ANKFN1: variants seen among roughly 807,000 people sequenced by gnomAD.
ANKFN1 encodes ankyrin repeat and fibronectin type-III domain-containing protein 1.
Under a neutral mutation model 108.7 loss-of-function variants are expected in ANKFN1, and 74 were observed. The ratio of observed to expected loss-of-function variants is 0.68; its 90% CI spans 0.56 to 0.83. ANKFN1 has a LOEUF of 0.83. Ranked by LOEUF, ANKFN1 falls within the 40% of genes least tolerant of loss-of-function variation. The pLI is 0.00. For synonymous variants in ANKFN1, 547 were observed against 516.2 expected (o/e 1.06, Z -0.81); for missense variants, 1,505 against 1,382.3 (o/e 1.09, Z -1.41).
intron 8 of ANKFN1, among the ~76,000 whole-genome samples, chr17:56,391,348 G>A (rs1392592577): frequency 1.4e-5 from 2 of 139,500 alleles, no homozygotes; most frequent in South Asian, 4.5e-4. Flanking sequence ...ATTCTTGAAG[G>A]CCCAAGAATA....
At chr17:56,064,570 C>T (rs1184846429) in intron 4 of ANKFN1, among the ~76,000 whole-genome samples, 1 of 152,228 alleles carries the variant, frequency 6.6e-6, no homozygotes, top group African/African-American at 2.4e-5. Flanking sequence ...CCAAGCCGTC[C>T]AGGCCCCCTG....
chr17:56,079,997 C>T lies in ANKFN1; in HGVS notation c.288+33672C>T, dbSNP rs1008329868. On this transcript the variant is annotated intron_variant, in intron 4 of 12. Coordinates refer to the ANKFN1 transcript ENST00000635860. The stretch of plus-strand genomic sequence containing the variant: ...GGAACAGTTGGGCAAGTCACAAAAG[C>T]GGAGAGATGAATGTCTGAGAAACAA... Among the ~76,000 whole-genome samples the T allele has an allele frequency of 4.6e-5, 7 of 151,930 alleles. No homozygotes were observed. In the East Asian group the frequency reaches 5.8e-4, roughly 13 times the overall value.
chr17:56,196,135 G>A (rs2143724565), intron 1 of ANKFN1, among the ~76,000 whole-genome samples: 2 of 152,208 alleles, frequency 1.3e-5, no homozygotes, highest in Admixed American at 1.3e-4. Flanking sequence ...AAGTATGGTG[G>A]CTCGTGCCTG....
intron 1 of ANKFN1, among the ~76,000 whole-genome samples, chr17:56,169,784 C>T (rs1233194844): frequency 6.6e-6 from 1 of 152,194 alleles, no homozygotes; most frequent in African/African-American, 2.4e-5. Flanking sequence ...AGCTGCCCTG[C>T]TACTCCTGTT....
At chr17:56,102,495 G>T (rs1245058243) in intron 4 of ANKFN1, among the ~76,000 whole-genome samples, 2 of 152,248 alleles carry the variant, frequency 1.3e-5, no homozygotes, top group South Asian at 4.1e-4. Flanking sequence ...ATTTGTAAAT[G>T]GTATTAATCT....
chr17:56,097,627 T>G (rs990267788), intron 4 of ANKFN1, among the ~76,000 whole-genome samples: 2 of 152,198 alleles, frequency 1.3e-5, no homozygotes, highest in East Asian at 3.9e-4. Context: ...AGTCCTTAGG[T>G]GAAACACAGT....
intron 5 of ANKFN1, among the ~76,000 whole-genome samples, chr17:56,353,334 G>T (rs1257159108): frequency 6.6e-6 from 1 of 151,734 alleles, no homozygotes; most frequent in Non-Finnish European, 1.5e-5. Context: ...CCCCTGGGCA[G>T]GAGGTGATCC....
At chr17:56,092,309 A>C (rs1905434621) in intron 4 of ANKFN1, among the ~76,000 whole-genome samples, 1 of 126,782 alleles carries the variant, frequency 7.9e-6, no homozygotes. Context: ...TTGCTCTGTC[A>C]CCCAGGCTGG....
intron 19 of ANKFN1, among the ~76,000 whole-genome samples, chr17:56,493,801 A>C (rs563977947): frequency 6.6e-6 from 1 of 152,176 alleles, no homozygotes; most frequent in Non-Finnish European, 1.5e-5. Flanking sequence ...AGAAGACTAA[A>C]GGCAGAGAAA....
At chr17:56,368,074 C>A in intron 6 of ANKFN1, 1 of 797,306 alleles carries the variant, frequency 1.3e-6, no homozygotes. Flanking sequence ...CCATCAGATC[C>A]AGAGGCTAGT....
chr17:56,316,240 G>A (rs2045203378), intron 3 of ANKFN1, among the ~76,000 whole-genome samples: 2 of 152,120 alleles, frequency 1.3e-5, no homozygotes, highest in South Asian at 2.1e-4. Context: ...TGTGCAAATA[G>A]AATTAACTTC....
chr17:56,251,454 G>T (rs1383149319), intron 3 of ANKFN1, among the ~76,000 whole-genome samples: 2 of 152,188 alleles, frequency 1.3e-5, no homozygotes, highest in East Asian at 3.8e-4. Context: ...CATGCAATTG[G>T]TTTTCTTAAA....
chr17:56,316,280 CT>C (rs1231347499), intron 3 of ANKFN1, among the ~76,000 whole-genome samples: 26 of 152,228 alleles, frequency 1.7e-4, no homozygotes, highest in Admixed American at 1.2e-3. Flanking sequence ...CAAATTCTCA[CT>C]GTGATTAATT....
At chr17:56,275,411 G>T (rs9897339) in intron 3 of ANKFN1, among the ~76,000 whole-genome samples, 29,783 of 151,598 alleles carry the variant, frequency 0.2, 4,127 homozygotes, top group African/African-American at 0.4. Context: ...ATACTTCTAT[G>T]TAAGAACCAC....
At chr17:56,305,227 ACC>A (rs1247878456) in intron 3 of ANKFN1, among the ~76,000 whole-genome samples, 3 of 152,006 alleles carry the variant, frequency 2.0e-5, no homozygotes, top group African/African-American at 7.3e-5. Flanking sequence ...GAGGGTAACC[ACC>A]CCCATGATTA....
chr17:56,076,810 C>T (rs189189273), intron 4 of ANKFN1, among the ~76,000 whole-genome samples: 3 of 151,932 alleles, frequency 2.0e-5, no homozygotes, highest in African/African-American at 7.2e-5. Context: ...AGCAGAAAGA[C>T]AAGAAAAAAA....
intron 3 of ANKFN1, among the ~76,000 whole-genome samples, chr17:56,271,012 A>T (rs979570725): frequency 7.9e-5 from 12 of 151,808 alleles, no homozygotes; most frequent in African/African-American, 2.2e-4. Flanking sequence ...TTATTTTTTT[A>T]TTTTTATTTT....
intron 4 of ANKFN1, among the ~76,000 whole-genome samples, chr17:56,146,990 T>C (rs941291561): frequency 1.3e-5 from 2 of 152,180 alleles, no homozygotes; most frequent in African/African-American, 4.8e-5. Flanking sequence ...TTCTGCCAGA[T>C]ACCCTAAAAC....
chr17:56,057,415 TATTTCTTAAATA>T (rs1904898649), intron 4 of ANKFN1, among the ~76,000 whole-genome samples: 1 of 152,232 alleles, frequency 6.6e-6, no homozygotes, highest in Non-Finnish European at 1.5e-5. Context: ...TTAAGAAGTA[TATTTCTTAAATA>T]CTAAGACTTG....
Sources: allele counts gnomAD v4.1 joint callset (sites outside exome capture counted in the v4.1 genomes callset), GRCh38; gene constraint gnomAD v4.1.1; transcripts MANE v1.5; gene names NCBI Gene and HGNC (gene_info 2026-07-23, HGNC 2026-07-21).